CDC23: variants seen among roughly 807,000 people sequenced by gnomAD.
CDC23 encodes the protein cell division cycle 23.
CDC23 carries 26 observed loss-of-function variants against 81.7 expected under a neutral mutation model. The ratio of observed to expected loss-of-function variants is 0.32; its 90% CI spans 0.23 to 0.44. The LOEUF is 0.44. Among genes scored for constraint, CDC23 ranks in the 20% least tolerant of loss-of-function variants. The pLI is 1.00. For synonymous variants in CDC23, 267 were observed against 270.8 expected (o/e 0.99, Z 0.14); for missense variants, 519 against 728.0 (o/e 0.71, Z 3.30).
intron 6 of CDC23, among the ~76,000 whole-genome samples, chr5:138,200,172 C>T (rs1177871427): frequency 6.6e-6 from 1 of 152,182 alleles, no homozygotes; most frequent in Non-Finnish European, 1.5e-5. Flanking sequence ...CGCTCTTTCG[C>T]CCAGGCTAGA....
intron 3 of CDC23, among the ~76,000 whole-genome samples, chr5:138,202,364 A>G (rs1754999060): frequency 1.3e-5 from 2 of 152,090 alleles, no homozygotes; most frequent in Admixed American, 6.6e-5. Flanking sequence ...GCTCACTGCA[A>G]CCTCTGCCTC....
intron 6 of CDC23, chr5:138,200,870 T>C (rs1293781198): frequency 4.2e-6 from 2 of 474,672 alleles, no homozygotes; most frequent in African/African-American, 2.0e-5. Context: ...AAAACATGAA[T>C]ATGAAAAAAA....
At chr5:138,208,706 TTC>T (rs1755079984) in intron 2 of CDC23, among the ~76,000 whole-genome samples, 1 of 152,232 alleles carries the variant, frequency 6.6e-6, no homozygotes, top group Admixed American at 6.6e-5. Context: ...TCTTAAATTT[TTC>T]TGTTTCATTC....
chr5:138,195,979 A>C lies in CDC23; in HGVS notation c.1012+2220T>G, dbSNP rs112620816. Among the ~76,000 whole-genome samples the C allele has an allele frequency of 2.1e-4, 32 of 150,910 alleles. 1 individual carries two copies. The highest frequency in any genetic ancestry group is 7.5e-4 in the African/African-American group (31 of 41,188). ...GATTCTTGCCATCACTCTACTCTTA[A>C]GATTGTCTCATTCTCTCAGGTCCTC... On this transcript the variant is annotated intron_variant, in intron 9 of 15. Transcript: ENST00000394886.
At position 138,201,172 on chromosome 5, in the gene CDC23, G is replaced by C; in HGVS notation, c.589C>G (p.His197Asp). ...EAIDVFVEAT[H>D]VLPLHWGAWL... ...GCTCCCCAATGCAAGGGCAAAACAT[G>C]AGTAGCTTCCACAAACACATCAATG... Residue 197 changes from histidine (H) to aspartate (D), a missense_variant, in exon 6 of 16, where the codon CAT (histidine) becomes GAT (aspartate). By Grantham distance (81) the His-to-Asp change is moderately conservative (BLOSUM62 -1). Transcript: ENST00000394886. The C allele has an allele frequency of 6.2e-7, 1 of 1,614,152 alleles. No individual in the cohort carries two copies. Among genetic ancestry groups the C allele is most frequent in the Admixed American group, 1.7e-5 (1 of 60,024 alleles).
At chr5:138,199,946 G>A (rs1043116600) in intron 6 of CDC23, among the ~76,000 whole-genome samples, 2 of 152,186 alleles carry the variant, frequency 1.3e-5, no homozygotes, top group Non-Finnish European at 2.9e-5. Context: ...GAAGTGTATT[G>A]TTGCTTCCAT....
At chr5:138,193,875 T>C (rs1581483651) in intron 9 of CDC23, among the ~76,000 whole-genome samples, 1 of 151,872 alleles carries the variant, frequency 6.6e-6, no homozygotes, top group Non-Finnish European at 1.5e-5. Context: ...GGAGAATCGC[T>C]TGAACCCAGG....
Position 138,191,492 on chromosome 5 carries a change from G to A in CDC23, c.1406C>T (p.Ala469Val). ...AYAVGDVEKM[A>V]LVKLAKLHEQ... ...CACTCACTTTGCCAGTTTCACCAGA[G>A]CCATTTTCTCCACATCTCCCACGGC... is the stretch of plus-strand genomic sequence containing the variant. Residue 469 changes from alanine to valine, a missense_variant, in exon 13 of 16, where the codon GCT becomes GTT. By Grantham distance (64) the Ala-to-Val change is moderately conservative. Around this residue, in one of 4 missense-constraint regions of CDC23, gnomAD observed 175 missense variants for 337.8 expected, o/e 0.52. Coordinates refer to ENST00000394886, the MANE Select transcript of CDC23 (RefSeq NM_004661.4). 1 of 1,614,024 alleles carries A rather than the reference G, an allele frequency of 6.2e-7. No individual in the cohort carries two copies. The highest frequency in any genetic ancestry group is 8.5e-7 in the Non-Finnish European group (1 of 1,179,942).
chr5:138,194,223 G>A (rs752831933), intron 9 of CDC23, among the ~76,000 whole-genome samples: 12 of 152,172 alleles, frequency 7.9e-5, no homozygotes, highest in Admixed American at 5.2e-4. Flanking sequence ...GCTGAGGTGG[G>A]AGGATCACTT....
At chr5:138,204,897 G>A (rs981847088) in intron 3 of CDC23, among the ~76,000 whole-genome samples, 11 of 151,140 alleles carry the variant, frequency 7.3e-5, no homozygotes, top group Non-Finnish European at 1.3e-4. Flanking sequence ...GTGAGCTACC[G>A]CGCCCGGACT....
Position 138,201,388 on chromosome 5 carries a change from C to T in CDC23, c.476G>A (p.Ser159Asn), listed in dbSNP as rs978873682. Reference sequence around the variant, plus strand: ...AAGTTCTCGAGCTTGGTGTTTTTTGCTGAGCTCCACTCTCAATTCTCTAAG... The same window carrying T: ...AAGTTCTCGAGCTTGGTGTTTTTTGTTGAGCTCCACTCTCAATTCTCTAAG... ...EALRELRVEL[S>N]KKHQARELDG... Residue 159 changes from serine (S) to asparagine (N), a missense_variant, in exon 5 of 16, where the codon AGC (serine) becomes AAC (asparagine). Around this residue, in one of 4 missense-constraint regions of CDC23, gnomAD observed 180 missense variants for 239.3 expected, o/e 0.75. Coordinates refer to ENST00000394886, the MANE Select transcript of CDC23 (RefSeq NM_004661.4). 1 of 1,613,992 alleles carries T rather than the reference C, an allele frequency of 6.2e-7. No individual in the cohort carries two copies. The highest frequency in any genetic ancestry group is 1.3e-5 in the African/African-American group (1 of 74,934).
Position 138,201,333 on chromosome 5 carries a change from TAA to T in CDC23, c.521+8_521+9del, listed in dbSNP as rs1435845482. 1 of 1,613,562 alleles carries T rather than the reference TAA, an allele frequency of 6.2e-7. No individual in the cohort carries two copies. Among genetic ancestry groups the T allele is most frequent in the Non-Finnish European group, 8.5e-7 (1 of 1,179,584 alleles). The stretch of plus-strand genomic sequence containing the variant: ...TGTTACAGAAAGTTCCAAATTACTG[TAA>T]CACTTACAGATAAAGTCCAAATCCA... On this transcript the variant is annotated splice_region_variant and intron_variant, in intron 5 of 15. Coordinates refer to ENST00000394886, the MANE Select transcript of CDC23 (RefSeq NM_004661.4).
intron 3 of CDC23, among the ~76,000 whole-genome samples, chr5:138,205,564 T>C (rs542701150): frequency 2.2e-4 from 33 of 152,016 alleles, no homozygotes; most frequent in Admixed American, 5.2e-4. Flanking sequence ...GAGTTATTGT[T>C]TAATGGGTAT....
rs1364065695 is a variant in CDC23 at position 138,213,138 on chromosome 5, C to T, written c.161+14G>A. On this transcript the variant is annotated intron_variant, in intron 1 of 15. Transcript: ENST00000394886. ...AGGATCCAAGCCCCGTCCCTTCCCA[C>T]TCCAACATCTCACCATTTGCTACTG... 6.2e-7 allele frequency: 1 copy of T among 1,614,208 alleles called. No individual in the cohort carries two copies. Among genetic ancestry groups the T allele is most frequent in the Non-Finnish European group, 8.5e-7 (1 of 1,180,026 alleles).
In CDC23 at chr5:138,189,007, G is replaced by A. The variant is rs775561189; in HGVS notation, c.1765C>T (p.Pro589Ser). The change falls in exon 16 of 16, where the codon CCA becomes TCA. Residue 589 changes from proline (P) to serine (S), a missense_variant. Physicochemically the swap from Pro to Ser is moderately conservative, Grantham distance 74. This residue lies in a region of CDC23 where 38 missense variants were observed against 34.7 expected (regional missense o/e 1.10). Transcript: ENST00000394886. ...GGCGTGACAGAAGACAAGTTGAGTG[G>A]AGAAACTCTGCGTGTGGGGGTATTG... ...ANNTPTRRVS[P>S]LNLSSVTP 1.2e-6 allele frequency: 2 copies of A among 1,614,044 alleles called. No homozygotes were observed. Among genetic ancestry groups the A allele is most frequent in the Non-Finnish European group, 1.7e-6 (2 of 1,179,972 alleles).
Position 138,196,574 on chromosome 5 carries a change from GC to G in CDC23, c.1012+1624del, listed in dbSNP as rs545535359. ...AGTGCTGGGATTACAGGCGCTGTGA[GC>G]CCCCGTGCCCGGCCTTTTTTTTTGA... On this transcript the variant is annotated intron_variant, in intron 9 of 15. Coordinates refer to ENST00000394886, the MANE Select transcript of CDC23 (RefSeq NM_004661.4). Among the ~76,000 whole-genome samples the G allele has an allele frequency of 2.2e-3, 298 of 137,050 alleles. 2 individuals are homozygous for G. Among genetic ancestry groups the G allele is most frequent in the African/African-American group, 7.8e-3 (279 of 35,778 alleles). 89.9% of individuals were successfully genotyped at this position (137,050 alleles called of 152,430 possible).
intron 9 of CDC23, 70 bp downstream of exon 9, chr5:138,198,129 G>T: frequency 1.7e-6 from 2 of 1,178,088 alleles, no homozygotes; most frequent in Non-Finnish European, 2.5e-6. Context: ...CTAGCTAATT[G>T]TGGTTATTTT....
rs774731963 is a variant in CDC23, at chr5:138,198,749, T to C, written c.688A>G (p.Lys230Glu). The C allele has an allele frequency of 1.9e-6, 3 of 1,614,112 alleles. No homozygotes were observed. The highest frequency in any genetic ancestry group is 2.5e-6 in the Non-Finnish European group (3 of 1,180,012). The change falls in exon 7 of 16, where the codon AAA becomes GAA. Residue 230 changes from lysine to glutamate, a missense_variant. By Grantham distance (56) the Lys-to-Glu change is moderately conservative. Coordinates refer to ENST00000394886, the MANE Select transcript of CDC23 (RefSeq NM_004661.4). ...KFLSLPDTWM[K>E]EFFLAHIYTE... ...TATATATGAGCCAGAAAAAACTCTT[T>C]CATCCAGGTGTCTGGCAAAGACAGG...
intron 12 of CDC23, 56 bp downstream of exon 12, chr5:138,191,806 C>A: frequency 1.5e-6 from 2 of 1,372,078 alleles, no homozygotes; most frequent in Non-Finnish European, 1.0e-6. Context: ...GATAGCCCAA[C>A]CTTCATCTAA....
Sources: allele counts gnomAD v4.1 joint callset (sites outside exome capture counted in the v4.1 genomes callset), GRCh38; gene constraint gnomAD v4.1.1; regional missense constraint gnomAD v4.1.1; transcripts MANE v1.5; gene names NCBI Gene and HGNC (gene_info 2026-07-23, HGNC 2026-07-21).